KCNIP4: variants seen among roughly 807,000 people sequenced by gnomAD.
KCNIP4 encodes Kv channel-interacting protein 4.
In KCNIP4, 12 loss-of-function variants were observed where a neutral mutation model predicts 34.0. The observed-to-expected ratio is 0.35, with a 90% CI of 0.23 to 0.57. The LOEUF is 0.57. KCNIP4 is among the 20% of genes least tolerant of loss of function. KCNIP4 has a pLI of 0.83. For missense variants in KCNIP4, 238 were observed against 311.7 expected (o/e 0.76, Z 1.78); for synonymous variants, 124 against 102.2 (o/e 1.21, Z -1.29).
intron 1 of KCNIP4, among the ~76,000 whole-genome samples, chr4:21,727,293 T>C (rs74823493): frequency 0.018 from 2,729 of 152,204 alleles, 38 homozygotes; most frequent in East Asian, 0.055. Flanking sequence ...GAGGACATAA[T>C]CTTCATTCTT....
chr4:20,734,793 A>G, intron 5 of KCNIP4, 58 bp from the exon 6 acceptor site: 1 of 981,856 alleles, frequency 1.0e-6, no homozygotes, highest in South Asian at 1.6e-5. Context: ...AAAAACAAAA[A>G]AAACAAATGA....
intron 1 of KCNIP4, among the ~76,000 whole-genome samples, chr4:21,786,521 A>G (rs368538108): frequency 1.5e-5 from 1 of 65,410 alleles, no homozygotes; most frequent in African/African-American, 3.7e-5. Flanking sequence ...TTATTTATTT[A>G]TATGTTATTT....
chr4:20,745,169 G>A (rs747367686), intron 5 of KCNIP4, among the ~76,000 whole-genome samples: 21 of 152,122 alleles, frequency 1.4e-4, no homozygotes, highest in Non-Finnish European at 2.9e-4. Flanking sequence ...GTTGTAGCCA[G>A]CCCCATCTCT....
At chr4:21,896,267 G>C (rs2109411835) in intron 1 of KCNIP4, among the ~76,000 whole-genome samples, 1 of 152,190 alleles carries the variant, frequency 6.6e-6, no homozygotes, top group East Asian at 1.9e-4. Context: ...AAAAGACATT[G>C]AACCCTATTA....
chr4:21,458,150 C>T (rs1023764536), intron 1 of KCNIP4, among the ~76,000 whole-genome samples: 7 of 121,552 alleles, frequency 5.8e-5, no homozygotes, highest in East Asian at 3.2e-4. Context: ...CCCCTCCCCC[C>T]ACCCTACCAC....
At chr4:20,964,821 C>T (rs79119231) in intron 1 of KCNIP4, among the ~76,000 whole-genome samples, 4,906 of 152,128 alleles carry the variant, frequency 0.032, 256 homozygotes, top group African/African-American at 0.11. Flanking sequence ...TAGGACAGAT[C>T]CAAGTGCAAT....
At chr4:20,808,127 A>T (rs950290097) in intron 3 of KCNIP4, among the ~76,000 whole-genome samples, 2 of 152,116 alleles carry the variant, frequency 1.3e-5, no homozygotes, top group African/African-American at 2.4e-5. Context: ...TTTTTGGTAA[A>T]ACTGTTGAAT....
intron 1 of KCNIP4, among the ~76,000 whole-genome samples, chr4:21,225,418 T>A (rs1758307669): frequency 6.6e-6 from 1 of 152,186 alleles, no homozygotes; most frequent in African/African-American, 2.4e-5. Flanking sequence ...AATGACGATA[T>A]ACCCCATATT....
At chr4:20,799,617 C>G (rs541013533) in intron 3 of KCNIP4, among the ~76,000 whole-genome samples, 22 of 152,300 alleles carry the variant, frequency 1.4e-4, no homozygotes, top group African/African-American at 5.3e-4. Flanking sequence ...CCCTCAATCC[C>G]AGGCCCAAGC....
At chr4:21,622,069 T>C (rs2221380) in intron 1 of KCNIP4, among the ~76,000 whole-genome samples, 43,452 of 152,066 alleles carry the variant, frequency 0.29, 6,502 homozygotes, top group Non-Finnish European at 0.32. Flanking sequence ...GCTGTCACTG[T>C]CTTCATGCTG....
intron 1 of KCNIP4, among the ~76,000 whole-genome samples, chr4:21,118,835 C>G (rs1749905472): frequency 6.6e-6 from 1 of 152,120 alleles, no homozygotes; most frequent in African/African-American, 2.4e-5. Flanking sequence ...CAAATCCAGA[C>G]AGATCAACCC....
At chr4:21,566,547 T>C (rs762234699) in intron 1 of KCNIP4, among the ~76,000 whole-genome samples, 1 of 152,118 alleles carries the variant, frequency 6.6e-6, no homozygotes, top group Non-Finnish European at 1.5e-5. Context: ...TGATTGTAAG[T>C]TTCCTGAGTC....
At chr4:21,909,797 T>C (rs1728199685) in intron 1 of KCNIP4, among the ~76,000 whole-genome samples, 1 of 152,072 alleles carries the variant, frequency 6.6e-6, no homozygotes, top group Admixed American at 6.6e-5. Flanking sequence ...ACATCTTACA[T>C]GGCGACAGGC....
At chr4:21,048,213 T>A (rs894810679) in intron 1 of KCNIP4, among the ~76,000 whole-genome samples, 1 of 152,322 alleles carries the variant, frequency 6.6e-6, no homozygotes, top group Admixed American at 6.5e-5. Flanking sequence ...TCATAATAAA[T>A]TTTTTTGTGT....
Position 20,775,235 on chromosome 4 carries a change from G to A in KCNIP4, c.289-16345C>T, listed in dbSNP as rs144870922. Among the ~76,000 whole-genome samples, 1,340 of 152,168 alleles carry A rather than the reference G, an allele frequency of 8.8e-3. 13 individuals carry two copies. Among genetic ancestry groups the A allele is most frequent in the Non-Finnish European group, 0.015 (993 of 68,006 alleles). On this transcript the variant is annotated intron_variant, in intron 3 of 8. Transcript: ENST00000382152. Reference sequence around the variant, plus strand: ...GAACAATAGTTTCAACATATATGGCGATTAAAATCTTGTGCTCCTATCTCC... The same window carrying A: ...GAACAATAGTTTCAACATATATGGCAATTAAAATCTTGTGCTCCTATCTCC...
At chr4:21,288,548 G>T (rs1007244238) in intron 1 of KCNIP4, among the ~76,000 whole-genome samples, 2 of 152,118 alleles carry the variant, frequency 1.3e-5, no homozygotes, top group African/African-American at 2.4e-5. Flanking sequence ...TATATATTTT[G>T]CCTTTTTATC....
Position 21,637,198 on chromosome 4 carries a change from C to G in KCNIP4, c.61+311373G>C, listed in dbSNP as rs908689313. On this transcript the variant is annotated intron_variant, in intron 1 of 8. Coordinates refer to ENST00000382152, the MANE Select transcript of KCNIP4 (RefSeq NM_025221.6). ...ATGTCAAACACTTGGCACTTTATATCCGTTTTAATTCTCAAAATAGTTCTC... is the reference window on the plus strand; with the variant it reads ...ATGTCAAACACTTGGCACTTTATATGCGTTTTAATTCTCAAAATAGTTCTC... Among the ~76,000 whole-genome samples, 3 of 152,102 alleles carry G rather than the reference C, an allele frequency of 2.0e-5. No individual in the cohort carries two copies. The East Asian group carries it at 5.8e-4, about 29-fold the overall frequency.
At chr4:20,956,735 T>C (rs1014441862) in intron 1 of KCNIP4, among the ~76,000 whole-genome samples, 1 of 152,160 alleles carries the variant, frequency 6.6e-6, no homozygotes, top group African/African-American at 2.4e-5. Context: ...ACTTTAAGCA[T>C]CCTAACAGCC....
At chr4:21,748,935 C>T (rs1260882112) in intron 1 of KCNIP4, among the ~76,000 whole-genome samples, 1 of 152,046 alleles carries the variant, frequency 6.6e-6, no homozygotes, top group East Asian at 1.9e-4. Context: ...AAACTGACTG[C>T]TGTTATGTAA....
Sources: allele counts gnomAD v4.1 joint callset (sites outside exome capture counted in the v4.1 genomes callset), GRCh38; gene constraint gnomAD v4.1.1; transcripts MANE v1.5; gene names NCBI Gene and HGNC (gene_info 2026-07-23, HGNC 2026-07-21).